Variants in MALRD1 observed in about 807,000 individuals in gnomAD.
MALRD1 encodes the protein MAM and LDL-receptor class A domain-containing protein 1.
In MALRD1, 247 loss-of-function variants were observed where a neutral mutation model predicts 242.1. The ratio of observed to expected loss-of-function variants is 1.02; its 90% CI spans 0.92 to 1.13. The LOEUF is 1.13. MALRD1 is among the 50% of genes most tolerant of loss of function. MALRD1 has a pLI of 0.00. For synonymous variants in MALRD1, 995 were observed against 866.6 expected (o/e 1.15, Z -2.60); for missense variants, 2,989 against 2,533.1 (o/e 1.18, Z -3.86).
chr10:19,253,966 G>T (rs1445831116), intron 18 of MALRD1, among the ~76,000 whole-genome samples: 2 of 151,874 alleles, frequency 1.3e-5, no homozygotes, highest in African/African-American at 4.8e-5. Context: ...TTTTATAAGG[G>T]GTTTCACCCT....
chr10:19,091,966 A>G (rs1835877936), intron 4 of MALRD1, among the ~76,000 whole-genome samples: 1 of 63,390 alleles, frequency 1.6e-5, no homozygotes, highest in Admixed American at 1.8e-4. Context: ...AGTTTGTTAT[A>G]ATTTCTGTTC....
intron 2 of MALRD1, among the ~76,000 whole-genome samples, chr10:19,083,146 G>A (rs1835548837): frequency 6.6e-6 from 1 of 151,996 alleles, no homozygotes; most frequent in Non-Finnish European, 1.5e-5. Context: ...ACATATGAAT[G>A]TGTGTGTGTG....
intron 29 of MALRD1, among the ~76,000 whole-genome samples, chr10:19,490,355 TAAA>T (rs773533028): frequency 1.7e-4 from 26 of 152,216 alleles, no homozygotes; most frequent in Non-Finnish European, 3.1e-4. Context: ...TAAATAATCT[TAAA>T]AACCATGTGA....
chr10:19,490,110 A>G (rs1266168851), intron 29 of MALRD1, among the ~76,000 whole-genome samples: 1 of 152,172 alleles, frequency 6.6e-6, no homozygotes, highest in Admixed American at 6.5e-5. Flanking sequence ...GAATTACAAT[A>G]TATAGGTTTT....
At chr10:19,387,841 G>A in intron 27 of MALRD1, 68 bp downstream of exon 27, 1 of 1,494,150 alleles carries the variant, frequency 6.7e-7, no homozygotes, top group Non-Finnish European at 8.9e-7. Context: ...TGTCTTTTCT[G>A]ATAGCAACTG....
intron 19 of MALRD1, among the ~76,000 whole-genome samples, chr10:19,258,379 T>C (rs1044621286): frequency 3.9e-5 from 6 of 152,024 alleles, no homozygotes; most frequent in Admixed American, 2.6e-4. Flanking sequence ...CCTTGAATAG[T>C]GTTATGAGGA....
At chr10:19,123,909 A>G (rs191361002) in intron 6 of MALRD1, among the ~76,000 whole-genome samples, 6 of 152,258 alleles carry the variant, frequency 3.9e-5, no homozygotes, top group Admixed American at 3.9e-4. Context: ...ATATAAAGCC[A>G]TTTTAAAAAT....
In MALRD1 at chr10:19,539,852, T is replaced by TTTTGTGTGTGTG. The variant is rs1554795755; in HGVS notation, c.5478+8502_5478+8503insTTGTGTGTGTGT. Among the ~76,000 whole-genome samples the TTTTGTGTGTGTG allele has an allele frequency of 3.8e-3, 247 of 64,262 alleles. 6 individuals carry two copies. Among genetic ancestry groups the TTTTGTGTGTGTG allele is most frequent in the African/African-American group, 0.011 (212 of 19,740 alleles). 42.2% of individuals were successfully genotyped at this position (64,262 alleles called of 152,430 possible). A position where few individuals can be genotyped will look rare whatever the true frequency, so the allele number is the denominator to read the frequency against. ...CCAGCATGCGCCACCACACCCAGCT[T>TTTTGTGTGTGTG]TGTGCGTGTGTGTGTGTGTGTGTGT... On this transcript the variant is annotated intron_variant, in intron 32 of 39. Coordinates refer to ENST00000454679, the MANE Select transcript of MALRD1 (RefSeq NM_001142308.3).
intron 38 of MALRD1, among the ~76,000 whole-genome samples, chr10:19,706,685 G>T (rs1179274832): frequency 1.3e-5 from 2 of 152,020 alleles, no homozygotes; most frequent in Non-Finnish European, 1.5e-5. Flanking sequence ...GCCGAGTGTT[G>T]TCTCCTGTCT....
intron 29 of MALRD1, among the ~76,000 whole-genome samples, chr10:19,460,655 G>A (rs917328201): frequency 6.6e-6 from 1 of 152,124 alleles, no homozygotes; most frequent in African/African-American, 2.4e-5. Context: ...CTAGTAAATA[G>A]AGGAACTTTT....
chr10:19,595,275 G>T lies in MALRD1; in HGVS notation c.5762G>T (p.Gly1921Val). 1.9e-6 allele frequency: 3 copies of T among 1,550,594 alleles called. No individual in the cohort carries two copies. In the South Asian group the frequency reaches 3.6e-5, roughly 18 times the overall value. ...ACACTCCAATGTGTCCCTCTCTCAG[G>T]GAAATGTGATGGACATGAAGACTGC... ...IYTLQCVPLS[G>V]KCDGHEDCID... The change falls in exon 34 of 40, where the codon GGG becomes GTG. Residue 1921 changes from glycine (G) to valine (V), a missense_variant. Transcript: ENST00000454679.
chr10:19,695,839 T>C (rs944707076), intron 38 of MALRD1, among the ~76,000 whole-genome samples: 6 of 152,060 alleles, frequency 3.9e-5, no homozygotes, highest in Non-Finnish European at 7.4e-5. Flanking sequence ...GGCATGTCTT[T>C]CATGGCAGCA....
intron 35 of MALRD1, among the ~76,000 whole-genome samples, chr10:19,610,359 C>T (rs118075503): frequency 1.6e-4 from 25 of 152,008 alleles, no homozygotes; most frequent in Non-Finnish European, 3.4e-4. Context: ...ATTGGCCAAC[C>T]TCTGCCTGTC....
chr10:19,580,827 T>G (rs1049776287), intron 33 of MALRD1, among the ~76,000 whole-genome samples: 12 of 152,150 alleles, frequency 7.9e-5, no homozygotes, highest in East Asian at 3.9e-4. Context: ...TCTGTCTGGC[T>G]TTTGACATTT....
At chr10:19,369,852 T>G (rs10763967) in intron 26 of MALRD1, among the ~76,000 whole-genome samples, 118,749 of 151,608 alleles carry the variant, frequency 0.78, 47,086 homozygotes, top group African/African-American at 0.9. Context: ...ACTTTCTTCA[T>G]TAAGTGTCCT....
At chr10:19,076,589 A>G (rs189523483) in intron 2 of MALRD1, among the ~76,000 whole-genome samples, 50 of 152,178 alleles carry the variant, frequency 3.3e-4, no homozygotes, top group Middle Eastern at 6.8e-3. Context: ...GTCAAAATTC[A>G]TAGATGCGTT....
At chr10:19,489,104 A>G (rs1293346995) in intron 29 of MALRD1, 1 of 463,508 alleles carries the variant, frequency 2.2e-6, no homozygotes, top group Non-Finnish European at 4.4e-6. Flanking sequence ...AGAATGCCCA[A>G]GAGGAAGGTC....
rs1427777247 is a variant in MALRD1 at position 19,429,568 on chromosome 10, T to TAAAAC, written c.4846-20725_4846-20721dup. The stretch of plus-strand genomic sequence containing the variant: ...AACAGAGTGAGATTCCATCTCAAAA[T>TAAAAC]AAAACAAAACAAAACAAATAGAGTC... On this transcript the variant is annotated intron_variant, in intron 28 of 39. Coordinates refer to ENST00000454679, the MANE Select transcript of MALRD1 (RefSeq NM_001142308.3). Among the ~76,000 whole-genome samples, 294 of 151,942 alleles carry TAAAAC rather than the reference T, an allele frequency of 1.9e-3. 2 individuals are homozygous for TAAAAC. Among genetic ancestry groups the TAAAAC allele is most frequent in the African/African-American group, 6.4e-3 (265 of 41,458 alleles).
At chr10:19,730,598 C>T (rs1460272664) in intron 38 of MALRD1, 108 bp from the exon 39 acceptor site, 15 of 1,100,562 alleles carry the variant, frequency 1.4e-5, no homozygotes, top group Non-Finnish European at 1.9e-5. Context: ...AATAAGTGTG[C>T]TGGCTAGACA....
Sources: gnomAD v4.1 joint callset for allele counts (sites outside exome capture counted in the v4.1 genomes callset) on GRCh38, gnomAD v4.1.1 for gene constraint, MANE v1.5 for transcripts, NCBI Gene and HGNC (gene_info 2026-07-23, HGNC 2026-07-21) for gene names.